The following XPA variants were observed in gnomAD, a reference collection of about 807,000 sequenced individuals.
XPA encodes the protein DNA repair protein complementing XP-A cells.
A neutral mutation model predicts 35.7 loss-of-function variants in XPA; 27 were observed. The observed-to-expected ratio is 0.76, with a 90% CI of 0.56 to 1.04. The LOEUF (loss-of-function observed/expected upper bound fraction) is 1.04. XPA is among the 50% of genes least tolerant of loss of function. The probability of loss-of-function intolerance (pLI) is 0.00; values close to 1 mark genes in which losing one functional copy is unlikely to be tolerated. For synonymous variants in XPA, 133 were observed against 118.4 expected, an observed-to-expected ratio of 1.12 and a Z score of -0.80; for missense variants, 354 against 342.7, an observed-to-expected ratio of 1.03 and a Z score of -0.26.
the XPA span, among the ~76,000 whole-genome samples, chr9:97,666,408 A>G: frequency 6.6e-6 from 1 of 152,182 alleles, no homozygotes; most frequent in Admixed American, 6.6e-5. Context: ...TCTACACATA[A>G]TGTTTACATT....
At chr9:97,657,061 G>A in the XPA span, among the ~76,000 whole-genome samples, 5 of 152,098 alleles carry the variant, frequency 3.3e-5, no homozygotes, top group Non-Finnish European at 7.4e-5. Context: ...CGCCACCTCC[G>A]GGTTCACGCC....
chr9:97,654,994 G>A, the XPA span: 3 of 1,362,520 alleles, frequency 2.2e-6, no homozygotes, highest in Non-Finnish European at 3.0e-6. Context: ...TTTACTTCCT[G>A]TACTTCATAA....
chr9:97,696,730 G>C (rs1014288437), intron 1 of XPA, among the ~76,000 whole-genome samples: 38 of 152,272 alleles, frequency 2.5e-4, no homozygotes, highest in African/African-American at 9.1e-4. Flanking sequence ...CTAGTTCTAG[G>C]TATAGAGGCC....
the XPA span, among the ~76,000 whole-genome samples, chr9:97,662,485 C>T: frequency 6.6e-6 from 1 of 152,140 alleles, no homozygotes. Flanking sequence ...ATCAGCTACA[C>T]TGTTGGGAGT....
chr9:97,665,674 A>G, the XPA span, among the ~76,000 whole-genome samples: 1 of 152,186 alleles, frequency 6.6e-6, no homozygotes, highest in East Asian at 1.9e-4. Flanking sequence ...CACTTAAACT[A>G]TTATTTGGGT....
At chr9:97,682,158 T>A in intron 5 of XPA, 2 of 403,348 alleles carry the variant, frequency 5.0e-6, no homozygotes, top group South Asian at 3.7e-5. Flanking sequence ...ACTGCTAAAG[T>A]AGAAGATCAT....
chr9:97,663,176 A>G, the XPA span: 4 of 686,406 alleles, frequency 5.8e-6, no homozygotes, highest in African/African-American at 1.8e-5. Flanking sequence ...TTTTAGATCT[A>G]ATTCTTTCAG....
intron 5 of XPA, among the ~76,000 whole-genome samples, chr9:97,677,459 G>A (rs1278199685): frequency 6.6e-6 from 1 of 152,160 alleles, no homozygotes; most frequent in African/African-American, 2.4e-5. Context: ...GATTACCTGA[G>A]CCTGGGAGTT....
chr9:97,662,988 G>A, the XPA span: 1 of 1,613,244 alleles, frequency 6.2e-7, no homozygotes, highest in Non-Finnish European at 8.5e-7. Flanking sequence ...AGCTGAAAGT[G>A]ATGAAGGAAA....
the XPA span, chr9:97,664,491 A>G: frequency 3.8e-5 from 49 of 1,276,728 alleles, 1 homozygote; most frequent in Middle Eastern, 1.1e-3. Flanking sequence ...GAATTGATAT[A>G]TGTGTGGTCT....
the XPA span, among the ~76,000 whole-genome samples, chr9:97,666,146 A>G: frequency 6.6e-6 from 1 of 152,222 alleles, no homozygotes; most frequent in South Asian, 2.1e-4. Context: ...GTAGCTGAGA[A>G]GTTACTTTTT....
At chr9:97,696,343 T>C (rs1247497215) in intron 1 of XPA, among the ~76,000 whole-genome samples, 1 of 152,242 alleles carries the variant, frequency 6.6e-6, no homozygotes, top group Non-Finnish European at 1.5e-5. Context: ...AGATTATTAG[T>C]TGACCCCAGT....
downstream of XPA, among the ~76,000 whole-genome samples, chr9:97,674,617 G>A (rs146295852): frequency 8.5e-5 from 13 of 152,198 alleles, no homozygotes; most frequent in African/African-American, 2.4e-4. Context: ...AGATGCCTGC[G>A]GTGATGTGAG....
the XPA span, chr9:97,654,911 G>A: frequency 6.2e-6 from 10 of 1,612,004 alleles, no homozygotes; most frequent in Admixed American, 5.0e-5. Context: ...CTATACATGC[G>A]TTTGGACACA....
chr9:97,675,749 C>G, intron 5 of XPA, 162 bp from the exon 6 acceptor site: 1 of 900,252 alleles, frequency 1.1e-6, no homozygotes, highest in South Asian at 1.6e-5. Context: ...ATTATACAAA[C>G]TTGGCAAACT....
rs182397950 is a variant in XPA at position 97,695,008 on chromosome 9, A to G, written c.173-1249T>C. 2.4e-3 allele frequency among the ~76,000 whole-genome samples: 364 copies of G among 152,356 alleles called. 1 individual carries two copies. The highest frequency in any genetic ancestry group is 4.0e-3 in the Non-Finnish European group (273 of 68,032). On this transcript the variant is annotated intron_variant, in intron 1 of 5. Coordinates refer to ENST00000375128, the MANE Select transcript of XPA (RefSeq NM_000380.4). ...AAAAAGCCAGATACTGTATGACTCA[A>G]TGTACATGAAGTTTGGAAATAGGTA...
chr9:97,662,810 T>G, the XPA span: 2 of 605,498 alleles, frequency 3.3e-6, no homozygotes, highest in Admixed American at 3.3e-5. Flanking sequence ...TGATCACACT[T>G]TTTGCATCCT....
intron 5 of XPA, among the ~76,000 whole-genome samples, chr9:97,676,136 A>G (rs1273415354): frequency 1.3e-5 from 2 of 152,254 alleles, no homozygotes; most frequent in African/African-American, 2.4e-5. Context: ...TGAAGTTCTT[A>G]TAAGATGACA....
At chr9:97,691,948 A>C (rs72751548) in intron 2 of XPA, among the ~76,000 whole-genome samples, 32,875 of 148,888 alleles carry the variant, frequency 0.22, 4,464 homozygotes, top group Non-Finnish European at 0.31. Context: ...AGAAGTCTTT[A>C]GGCTGAATGC....
Sources: allele counts gnomAD v4.1 joint callset (sites outside exome capture counted in the v4.1 genomes callset), GRCh38; gene constraint gnomAD v4.1.1; transcripts MANE v1.5; gene names NCBI Gene and HGNC (gene_info 2026-07-23, HGNC 2026-07-21).